The following RP1L1 variants were observed in gnomAD, a reference collection of about 807,000 sequenced individuals.
The protein encoded by RP1L1 is RP1 like 1, also known as retinitis pigmentosa 1-like 1 protein.
In RP1L1, 27 loss-of-function variants were observed where a neutral mutation model predicts 15.7. The observed-to-expected ratio is 1.72, with a 90% CI of 1.27 to 2.38. The LOEUF is 2.38. RP1L1 is among the 30% of genes most tolerant of loss of function. RP1L1 has a pLI of 0.00. For synonymous variants in RP1L1, 1,813 were observed against 1,276.7 expected, an observed-to-expected ratio of 1.42 and a Z score of -8.96; for missense variants, 4,798 against 3,075.9, an observed-to-expected ratio of 1.56 and a Z score of -13.24.
rs1033860411 is a variant in RP1L1, at chr8:10,606,614, G to A, written c.*281C>T. 6.3e-6 allele frequency: 3 copies of A among 477,904 alleles called. No homozygotes were observed. The highest frequency in any genetic ancestry group is 5.9e-5 in the African/African-American group (3 of 51,078). 29.6% of individuals were successfully genotyped at this position (477,904 alleles called of 1,614,324 possible). A position where few individuals can be genotyped will look rare whatever the true frequency, so the allele number is the denominator to read the frequency against. On this transcript the variant is annotated 3_prime_UTR_variant, in exon 4 of 4. Transcript: ENST00000382483. ...TCAGTTCCATCTTTCGGGCTCTGCA[G>A]ACAAATAAATAGGAGCCGGGCTGAC...
At chr8:10,643,659 G>T (rs1347546210) in intron 1 of RP1L1, among the ~76,000 whole-genome samples, 2 of 152,058 alleles carry the variant, frequency 1.3e-5, no homozygotes, top group African/African-American at 4.8e-5. Flanking sequence ...CTGGAATGTG[G>T]TCTTTCCTGC....
rs550562431 is a variant in RP1L1, at chr8:10,622,813, C to T, written c.389G>A (p.Arg130Gln). ...QERNPTAQQL[R>Q]DVEGQREAPG... ...GGCTTCACGCTGGCCTTCGACATCC[C>T]GCAACTGCTGAGCAGTGGGGTTTCT... Residue 130 changes from arginine to glutamine, a missense_variant, in exon 2 of 4, where the codon CGG becomes CAG. By Grantham distance (43) the Arg-to-Gln change is conservative. Transcript: ENST00000382483. 2.5e-4 allele frequency: 396 copies of T among 1,613,742 alleles called. 1 individual carries two copies. Among genetic ancestry groups the T allele is most frequent in the South Asian group, 2.4e-3 (220 of 91,056 alleles).
At position 10,607,329 on chromosome 8, in the gene RP1L1, G is replaced by C. The variant is rs1797721379; in HGVS notation, c.6769C>G (p.Leu2257Val). The change falls in exon 4 of 4, where the codon CTA (leucine) becomes GTA (valine). Residue 2257 changes from leucine to valine, a missense_variant. Transcript: ENST00000382483. ...GCCTCCTCAGATTGGCCATCTCCTA[G>C]ACTGACCTGAGGGCTCCCCTTTTTC... ...GEKKGSPQVS[L>V]GDGQSEEASE... is the part of the protein sequence containing the mutation. 2 of 1,614,060 alleles carry C rather than the reference G, an allele frequency of 1.2e-6. No homozygotes were observed. The highest frequency in any genetic ancestry group is 1.3e-5 in the African/African-American group (1 of 74,928).
intron 1 of RP1L1, among the ~76,000 whole-genome samples, chr8:10,625,733 C>A (rs1350467060): frequency 6.6e-6 from 1 of 152,140 alleles, no homozygotes; most frequent in Non-Finnish European, 1.5e-5. Context: ...GTGGACAGGA[C>A]CACGCAGGAG....
chr8:10,610,464 C>A lies in RP1L1; in HGVS notation c.3634G>T (p.Glu1212Ter). ...DISSGSGGSG[E>*]SSVPCAMDGT... Reference sequence around the variant, plus strand: ...TCCATGGCACAGGGTACGCTACTCTCCCCTGAGCCTCCAGAGCCGCTGCTG... The same window carrying A: ...TCCATGGCACAGGGTACGCTACTCTACCCTGAGCCTCCAGAGCCGCTGCTG... Residue 1212 changes from glutamate to a stop codon, truncating the protein, a stop_gained, in exon 4 of 4, where the codon GAG (glutamate) becomes TAG (stop). Coordinates refer to ENST00000382483, the MANE Select transcript of RP1L1 (RefSeq NM_178857.6). LOFTEE classifies it low-confidence loss of function (END_TRUNC). 6.2e-7 allele frequency: 1 copy of A among 1,613,792 alleles called. No individual in the cohort carries two copies. The highest frequency in any genetic ancestry group is 8.5e-7 in the Non-Finnish European group (1 of 1,180,004).
Position 10,612,264 on chromosome 8 carries a change from C to T in RP1L1, c.1834G>A (p.Val612Ile). 2 of 1,613,236 alleles carry T rather than the reference C, an allele frequency of 1.2e-6. No individual in the cohort carries two copies. Among genetic ancestry groups the T allele is most frequent in the African/African-American group, 1.3e-5 (1 of 75,056 alleles). Reference protein sequence around the residue: ...TGAAVTREPLVLGLSCSWDSE... With the variant: ...TGAAVTREPLILGLSCSWDSE... ...TCCCAGGAGCAGGAAAGGCCCAGAACCAGAGGCTCCCTTGTCACAGCCGCT... is the reference window on the plus strand; with the variant it reads ...TCCCAGGAGCAGGAAAGGCCCAGAATCAGAGGCTCCCTTGTCACAGCCGCT... The change falls in exon 4 of 4, where the codon GTT becomes ATT. Residue 612 changes from valine to isoleucine, a missense_variant. Coordinates refer to ENST00000382483, the MANE Select transcript of RP1L1 (RefSeq NM_178857.6).
intron 1 of RP1L1, among the ~76,000 whole-genome samples, chr8:10,643,048 T>A (rs1185067343): frequency 1.3e-5 from 2 of 152,030 alleles, no homozygotes; most frequent in African/African-American, 4.8e-5. Flanking sequence ...GTTAAAAAAT[T>A]TTTTCAGGCA....
rs931015839 is a variant in RP1L1, at chr8:10,609,474, G to A, written c.4624C>T (p.Arg1542Ter). 3.1e-6 allele frequency: 5 copies of A among 1,612,006 alleles called. No individual in the cohort carries two copies. The highest frequency in any genetic ancestry group is 4.5e-5 in the East Asian group (2 of 44,858). The part of the protein sequence containing the change: ...AHLASAVAEL[R>*]ARWGLQDNDL... ...TTGTCCTGCAGGCCCCAGCGTGCTCGGAGCTCAGCCACCGCACTGGCAAGG... is the reference window on the plus strand; with the variant it reads ...TTGTCCTGCAGGCCCCAGCGTGCTCAGAGCTCAGCCACCGCACTGGCAAGG... The change falls in exon 4 of 4, where the codon CGA becomes TGA. Residue 1542 changes from arginine to a stop codon, truncating the protein, a stop_gained. Coordinates refer to ENST00000382483, the MANE Select transcript of RP1L1 (RefSeq NM_178857.6). LOFTEE classifies it low-confidence loss of function (END_TRUNC).
At chr8:10,620,338 G>C (rs1290777037) in intron 2 of RP1L1, among the ~76,000 whole-genome samples, 1 of 152,172 alleles carries the variant, frequency 6.6e-6, no homozygotes, top group East Asian at 1.9e-4. Flanking sequence ...GGGTGCGGTG[G>C]CTCACGCCTG....
chr8:10,644,383 G>GCAGC lies in RP1L1; in HGVS notation c.-20+10511_-20+10514dup, dbSNP rs544528886. ...CCTACAGGAAGGCTTCCAGGACACA[G>GCAGC]CAGCCCCAGCTGACCTTCTGGGCTG... On this transcript the variant is annotated intron_variant, in intron 1 of 3. Transcript: ENST00000382483. Among the ~76,000 whole-genome samples, 855 of 152,240 alleles carry GCAGC rather than the reference G, an allele frequency of 5.6e-3. 4 individuals carry two copies. Among genetic ancestry groups the GCAGC allele is most frequent in the African/African-American group, 0.019 (802 of 41,540 alleles).
chr8:10,622,499 T>G, intron 2 of RP1L1, 94 bp downstream of exon 2: 1 of 1,560,510 alleles, frequency 6.4e-7, no homozygotes, highest in Non-Finnish European at 8.8e-7. Flanking sequence ...ATCAAATGCC[T>G]CTTTTTAAGG....
intron 1 of RP1L1, among the ~76,000 whole-genome samples, chr8:10,642,204 G>T (rs899572448): frequency 6.6e-6 from 1 of 152,132 alleles, no homozygotes; most frequent in Non-Finnish European, 1.5e-5. Context: ...TTTTTAAAAA[G>T]TCCAAAGAGT....
At chr8:10,633,319 C>G (rs538562298) in intron 1 of RP1L1, among the ~76,000 whole-genome samples, 3 of 152,196 alleles carry the variant, frequency 2.0e-5, no homozygotes, top group African/African-American at 7.2e-5. Context: ...TGACCAAATC[C>G]AACCCGAAAT....
In RP1L1 at chr8:10,616,457, C is replaced by T; in HGVS notation, c.740G>A (p.Arg247Lys). The T allele has an allele frequency of 6.2e-7, 1 of 1,614,216 alleles. No homozygotes were observed. Among genetic ancestry groups the T allele is most frequent in the South Asian group, 1.1e-5 (1 of 91,078 alleles). ...AAAAACCAACTCACCGTTTTTGTTT[C>T]TTGAAGTCAGCCCAGATAAAGTTTC... ...EAETLSGLTS[R>K]NKNGSWGPKT... The change falls in exon 3 of 4, where the codon AGA (arginine) becomes AAA (lysine). Residue 247 changes from arginine (R) to lysine (K), a missense_variant. Arg to Lys is a conservative substitution (Grantham distance 26). Coordinates refer to ENST00000382483, the MANE Select transcript of RP1L1 (RefSeq NM_178857.6).
In RP1L1 at chr8:10,612,581, C is replaced by T; in HGVS notation, c.1517G>A (p.Cys506Tyr). The T allele has an allele frequency of 6.2e-7, 1 of 1,605,396 alleles. No individual in the cohort carries two copies. The highest frequency in any genetic ancestry group is 8.5e-7 in the Non-Finnish European group (1 of 1,179,570). ...GGSLGEDPGL[C>Y]IDGAGLGGPE... Reference sequence around the variant, plus strand: ...GCCGCCCAGCCCTGCTCCATCTATGCATAGGCCGGGGTCCTCACCCAGGCT... The same window carrying T: ...GCCGCCCAGCCCTGCTCCATCTATGTATAGGCCGGGGTCCTCACCCAGGCT... The change falls in exon 4 of 4, where the codon TGC becomes TAC. Residue 506 changes from cysteine (C) to tyrosine (Y), a missense_variant. Cys to Tyr is a radical substitution (Grantham distance 194). Transcript: ENST00000382483.
rs779138778 is a variant in RP1L1 at position 10,608,512 on chromosome 8, C to T, written c.5586G>A (p.Glu1862=). 2.3e-6 allele frequency: 3 copies of T among 1,310,882 alleles called. No individual in the cohort carries two copies. The highest frequency in any genetic ancestry group is 1.4e-5 in the African/African-American group (1 of 71,590). 81.2% of individuals were successfully genotyped at this position (1,310,882 alleles called of 1,614,324 possible). A position where few individuals can be genotyped will look rare whatever the true frequency, so the allele number is the denominator to read the frequency against. ...EAPEAEGDAQ[E]AEGEAQPESE... is the part of the protein sequence containing the mutation. ...ACTCTGGCTGGGCCTCCCCTTCAGC[C>T]TCCTGGGCATCCCCTTCTGCCTCTG... Residue 1862 remains glutamate (E), a synonymous_variant, in exon 4 of 4, where the codon GAG becomes GAA. Transcript: ENST00000382483.
At chr8:10,619,148 G>C (rs1237959868) in intron 2 of RP1L1, among the ~76,000 whole-genome samples, 1 of 152,288 alleles carries the variant, frequency 6.6e-6, no homozygotes, top group African/African-American at 2.4e-5. Context: ...GGGATTACAG[G>C]TGTGAGCCAC....
rs374793969 is a variant in RP1L1 at position 10,609,273 on chromosome 8, G to T, written c.4825C>A (p.Arg1609Ser). ...GAGAGGTTTCGCAGGCCCCGGAGAC[G>T]GTGTCTGCGCTGCTGGGTCTGCAGG... ...LLLQTQQRRH[R>S]LRGLRNLSAF... Residue 1609 changes from arginine (R) to serine (S), a missense_variant, in exon 4 of 4, where the codon CGT becomes AGT. Transcript: ENST00000382483. 2 of 1,609,658 alleles carry T rather than the reference G, an allele frequency of 1.2e-6. No individual in the cohort carries two copies. Among genetic ancestry groups the T allele is most frequent in the Non-Finnish European group, 1.7e-6 (2 of 1,179,648 alleles).
rs371465932 is a variant in RP1L1 at position 10,622,776 on chromosome 8, G to T, written c.426C>A (p.Ser142=). 1.3e-5 allele frequency: 21 copies of T among 1,613,872 alleles called. No homozygotes were observed. In the African/African-American group the frequency reaches 2.5e-4, roughly 19 times the overall value. The stretch of plus-strand genomic sequence containing the variant: ...GGGTTTTAAGACTCTTCCGGGAGGA[G>T]GAGGTGCCTGGGGCTTCACGCTGGC... ...VEGQREAPGT[S]SSRKSLKTPR... The change falls in exon 2 of 4, where the codon TCC becomes TCA. Residue 142 remains serine (S), a synonymous_variant. Coordinates refer to ENST00000382483, the MANE Select transcript of RP1L1 (RefSeq NM_178857.6).
Sources: allele counts gnomAD v4.1 joint callset (sites outside exome capture counted in the v4.1 genomes callset), GRCh38; gene constraint gnomAD v4.1.1; transcripts MANE v1.5; gene names NCBI Gene and HGNC (gene_info 2026-07-23, HGNC 2026-07-21).